Variants in ATE1 observed in about 807,000 individuals in gnomAD.
ATE1 encodes arginyltransferase 1, also known as arginyl-tRNA--protein transferase 1.
In ATE1, 36 loss-of-function variants were observed where a neutral mutation model predicts 70.5. The ratio of observed to expected loss-of-function variants is 0.51; its 90% confidence interval spans 0.39 to 0.67. The LOEUF is 0.67. Ranked by LOEUF, ATE1 falls within the 30% of genes least tolerant of loss-of-function variation. The pLI is 0.00. For missense variants in ATE1, 593 were observed against 629.5 expected (o/e 0.94, Z 0.62); for synonymous variants, 232 against 219.3 (o/e 1.06, Z -0.51).
chr10:121,922,205 G>A, intron 3 of ATE1, 144 bp downstream of exon 3: 1 of 620,174 alleles, frequency 1.6e-6, no homozygotes. Context: ...TCAGTATGAA[G>A]AAAAGACATA....
At chr10:121,769,126 T>C (rs981719485) in intron 11 of ATE1, among the ~76,000 whole-genome samples, 4 of 152,224 alleles carry the variant, frequency 2.6e-5, no homozygotes, top group African/African-American at 9.6e-5. Flanking sequence ...AGAATAACTT[T>C]TCCCTAATTT....
chr10:121,836,657 A>G (rs922300423), intron 10 of ATE1, 61 bp downstream of exon 10: 3 of 1,155,524 alleles, frequency 2.6e-6, no homozygotes, highest in Admixed American at 4.9e-5. Flanking sequence ...CTGAGATAAA[A>G]ATTTTATGAG....
At chr10:121,789,177 C>T (rs927341214) in intron 11 of ATE1, among the ~76,000 whole-genome samples, 3 of 151,852 alleles carry the variant, frequency 2.0e-5, no homozygotes, top group Middle Eastern at 3.2e-3. Flanking sequence ...TTATTACCTC[C>T]ATTTTAAAAG....
At chr10:121,819,057 A>T (rs1262173059) in intron 10 of ATE1, among the ~76,000 whole-genome samples, 1 of 152,258 alleles carries the variant, frequency 6.6e-6, no homozygotes, top group African/African-American at 2.4e-5. Flanking sequence ...GATAAACTTC[A>T]ATTTCCAGTC....
intron 8 of ATE1, among the ~76,000 whole-genome samples, chr10:121,850,315 C>T (rs1220083848): frequency 1.3e-5 from 2 of 152,090 alleles, no homozygotes; most frequent in Non-Finnish European, 2.9e-5. Flanking sequence ...GGGTATCCTC[C>T]AACTCTCTAT....
chr10:121,898,789 A>C, intron 7 of ATE1: 1 of 1,599,214 alleles, frequency 6.3e-7, no homozygotes, highest in Non-Finnish European at 8.5e-7. Context: ...GGTATATATT[A>C]TACTTCTTCC....
chr10:121,841,267 A>C lies in ATE1; in HGVS notation c.976-4T>G. ...GCCCATTAGGGGGAGTCTCTGCCTAAGAAAAAGCAGAGGCACAAACAGCCA... is the reference window on the plus strand; with the variant it reads ...GCCCATTAGGGGGAGTCTCTGCCTACGAAAAAGCAGAGGCACAAACAGCCA... On this transcript the variant is annotated splice_polypyrimidine_tract_variant and splice_region_variant and intron_variant, in intron 8 of 11. Coordinates refer to ENST00000224652, the MANE Select transcript of ATE1 (RefSeq NM_001001976.3). 6.8e-7 allele frequency: 1 copy of C among 1,462,784 alleles called. No homozygotes were observed. The highest frequency in any genetic ancestry group is 9.1e-7 in the Non-Finnish European group (1 of 1,100,650). The allele number at this position is 1,462,784 out of a possible 1,614,324, so 90.6% of individuals were successfully genotyped here. A position where few individuals can be genotyped will look rare whatever the true frequency, so the allele number is the denominator to read the frequency against.
intron 11 of ATE1, among the ~76,000 whole-genome samples, chr10:121,745,676 G>A (rs370089323): frequency 4.6e-5 from 7 of 152,128 alleles, no homozygotes; most frequent in Admixed American, 1.3e-4. Context: ...GCAGTGAGCC[G>A]AGATGGCATC....
At chr10:121,834,574 C>T (rs768798375) in intron 10 of ATE1, among the ~76,000 whole-genome samples, 20 of 152,066 alleles carry the variant, frequency 1.3e-4, no homozygotes, top group Admixed American at 3.9e-4. Flanking sequence ...AACTTCCAAG[C>T]AGGGCTCTAC....
At chr10:121,816,843 C>A (rs562203709) in intron 10 of ATE1, among the ~76,000 whole-genome samples, 1 of 152,298 alleles carries the variant, frequency 6.6e-6, no homozygotes, top group South Asian at 2.1e-4. Context: ...TAAAAAGAAG[C>A]CTTTCATCCA....
At chr10:121,846,854 A>T (rs754790786) in intron 8 of ATE1, among the ~76,000 whole-genome samples, 3 of 152,226 alleles carry the variant, frequency 2.0e-5, no homozygotes, top group Non-Finnish European at 2.9e-5. Flanking sequence ...CTTTAAAAAA[A>T]GTCTTTATTT....
intron 11 of ATE1, among the ~76,000 whole-genome samples, chr10:121,780,883 C>G (rs1257054969): frequency 6.6e-6 from 1 of 152,200 alleles, no homozygotes; most frequent in Non-Finnish European, 1.5e-5. Context: ...ACTTGTCACA[C>G]TTATCTGAGT....
chr10:121,781,655 T>C (rs529029467), intron 11 of ATE1, among the ~76,000 whole-genome samples: 1 of 152,280 alleles, frequency 6.6e-6, no homozygotes, highest in East Asian at 1.9e-4. Flanking sequence ...AGATCTGCTT[T>C]TGGAGAGAAA....
intron 5 of ATE1, 132 bp from the exon 6 acceptor site, chr10:121,902,752 G>C: frequency 1.1e-6 from 1 of 889,790 alleles, no homozygotes; most frequent in Non-Finnish European, 1.7e-6. Context: ...AGATGTTTCA[G>C]AGGATCCTGA....
At position 121,923,488 on chromosome 10, in the gene ATE1, TA is replaced by T. The variant is rs201817081; in HGVS notation, c.170+777del. On this transcript the variant is annotated intron_variant, in intron 2 of 11. Coordinates refer to ENST00000224652, the MANE Select transcript of ATE1 (RefSeq NM_001001976.3). ...GGGCAACAGAGCGAGACCATGTCTC[TA>T]AAAAAAAAAGTTCCTTATCATGGCA... 5.8e-3 allele frequency among the ~76,000 whole-genome samples: 857 copies of T among 148,084 alleles called. 7 individuals carry two copies. Among genetic ancestry groups the T allele is most frequent in the African/African-American group, 8.1e-3 (329 of 40,460 alleles).
chr10:121,856,655 A>T lies in ATE1; in HGVS notation c.975+13351T>A, dbSNP rs550648903. Among the ~76,000 whole-genome samples, 13 of 152,362 alleles carry T rather than the reference A, an allele frequency of 8.5e-5. 1 individual carries two copies. Among genetic ancestry groups the T allele is most frequent in the African/African-American group, 3.1e-4 (13 of 41,598 alleles). ...CTGTTTTGGTTTTCCTATTGTTTAC[A>T]CTATGCTGTAGTCTATTAAGTGTGC... On this transcript the variant is annotated intron_variant, in intron 8 of 11. Coordinates refer to ENST00000224652, the MANE Select transcript of ATE1 (RefSeq NM_001001976.3).
intron 10 of ATE1, among the ~76,000 whole-genome samples, chr10:121,807,041 C>T (rs12249117): frequency 6.6e-6 from 1 of 152,174 alleles, no homozygotes; most frequent in African/African-American, 2.4e-5. Context: ...CAAGAGCTCC[C>T]TGAAGACAGG....
intron 7 of ATE1, among the ~76,000 whole-genome samples, chr10:121,872,874 G>A (rs1170789436): frequency 6.6e-6 from 1 of 151,880 alleles, no homozygotes; most frequent in Non-Finnish European, 1.5e-5. Flanking sequence ...ATAAATAATG[G>A]GTAAAGTTAA....
intron 8 of ATE1, among the ~76,000 whole-genome samples, chr10:121,844,169 G>A (rs1948730946): frequency 6.6e-6 from 1 of 152,238 alleles, no homozygotes; most frequent in Non-Finnish European, 1.5e-5. Flanking sequence ...GGAGGCCGAC[G>A]TGGGAGGATC....
Sources: allele counts gnomAD v4.1 joint callset (sites outside exome capture counted in the v4.1 genomes callset), GRCh38; gene constraint gnomAD v4.1.1; transcripts MANE v1.5; gene names NCBI Gene and HGNC (gene_info 2026-07-23, HGNC 2026-07-21).